CCSER2: variants seen among roughly 807,000 people sequenced by gnomAD.
CCSER2 encodes serine-rich coiled-coil domain-containing protein 2.
In CCSER2, 46 loss-of-function variants were observed where a neutral mutation model predicts 92.3. The ratio of observed to expected loss-of-function variants is 0.50; its 90% CI spans 0.39 to 0.64. The LOEUF (loss-of-function observed/expected upper bound fraction) is 0.64. Ranked by LOEUF, CCSER2 falls within the 30% of genes least tolerant of loss-of-function variation. The pLI is 0.00. For synonymous variants in CCSER2, 433 were observed against 431.4 expected, an observed-to-expected ratio of 1.00 and a Z score of -0.04; for missense variants, 1,244 against 1,238.9, an observed-to-expected ratio of 1.00 and a Z score of -0.06.
intron 7 of CCSER2, among the ~76,000 whole-genome samples, chr10:84,467,801 TC>T (rs1406030552): frequency 1.3e-5 from 2 of 152,220 alleles, no homozygotes; most frequent in Non-Finnish European, 2.9e-5. Context: ...CCTTGAATGC[TC>T]CTCTGTTCTT....
chr10:84,454,992 A>G (rs1479570953), intron 6 of CCSER2: 1 of 152,276 alleles, frequency 6.6e-6, no homozygotes, highest in South Asian at 2.1e-4. Context: ...CATGATAGTG[A>G]ATAAGTCTCA....
In CCSER2 at chr10:84,348,421, C is replaced by T. The variant is rs577557171; in HGVS notation, c.-40+19613C>T. On this transcript the variant is annotated intron_variant, in intron 1 of 9. Coordinates refer to ENST00000372088, the MANE Select transcript of CCSER2 (RefSeq NM_001284240.2). ...GTGGCAGCACAGTCCAGCTTCGGCT[C>T]GGCATCAGAGGGAGACCGTGGAAAG... Among the ~76,000 whole-genome samples the T allele has an allele frequency of 8.9e-4, 136 of 152,070 alleles. 3 individuals carry two copies. In the South Asian group the frequency reaches 0.025, roughly 28 times the overall value.
intron 3 of CCSER2, among the ~76,000 whole-genome samples, chr10:84,402,550 T>C (rs552113630): frequency 6.6e-6 from 1 of 152,334 alleles, no homozygotes; most frequent in South Asian, 2.1e-4. Context: ...AACAGTCTTA[T>C]GGGAAAACAA....
At chr10:84,431,747 T>C (rs1434162934) in intron 5 of CCSER2, among the ~76,000 whole-genome samples, 1 of 152,122 alleles carries the variant, frequency 6.6e-6, no homozygotes, top group Non-Finnish European at 1.5e-5. Flanking sequence ...TCAAAAAAAA[T>C]TACTGAATAA....
chr10:84,454,260 T>TG (rs1281141860), intron 6 of CCSER2, among the ~76,000 whole-genome samples: 4 of 152,190 alleles, frequency 2.6e-5, no homozygotes, highest in African/African-American at 9.7e-5. Context: ...CTTGTGTGTC[T>TG]GTGGGTCCAA....
rs1267564887 is a variant in CCSER2 at position 84,399,128 on chromosome 10, A to G, written c.1615-18643A>G. Among the ~76,000 whole-genome samples, 4 of 152,168 alleles carry G rather than the reference A, an allele frequency of 2.6e-5. No homozygotes were observed. In the East Asian group the frequency reaches 7.7e-4, roughly 29 times the overall value. ...TGAAATCTAGGCTTTTAGCATACCC[A>G]TCACCTGAATAATGATCATTGTACC... On this transcript the variant is annotated intron_variant, in intron 3 of 9. Transcript: ENST00000372088.
At chr10:84,510,373 T>A (rs1324546411) in intron 9 of CCSER2, among the ~76,000 whole-genome samples, 1 of 152,184 alleles carries the variant, frequency 6.6e-6, no homozygotes, top group Non-Finnish European at 1.5e-5. Flanking sequence ...TGTTCCCATA[T>A]GTTGTTACGC....
chr10:84,438,138 G>A (rs1844299767), intron 5 of CCSER2, among the ~76,000 whole-genome samples: 1 of 152,168 alleles, frequency 6.6e-6, no homozygotes, highest in Non-Finnish European at 1.5e-5. Context: ...TAAAAAAGGT[G>A]TGCAATTTAA....
chr10:84,386,441 G>A (rs1841210850), intron 3 of CCSER2, among the ~76,000 whole-genome samples: 1 of 152,220 alleles, frequency 6.6e-6, no homozygotes, highest in South Asian at 2.1e-4. Context: ...CTGAGACTGG[G>A]CCTAGTGGCT....
intron 9 of CCSER2, among the ~76,000 whole-genome samples, chr10:84,513,212 A>G (rs548713790): frequency 6.6e-6 from 1 of 151,990 alleles, no homozygotes; most frequent in African/African-American, 2.4e-5. Context: ...TCTTTTTCTC[A>G]TTTAATTTTG....
intron 3 of CCSER2, among the ~76,000 whole-genome samples, chr10:84,379,209 C>T (rs1840759876): frequency 6.6e-6 from 1 of 151,982 alleles, no homozygotes; most frequent in East Asian, 1.9e-4. Flanking sequence ...AAAATTTGTC[C>T]ATTTCATCTA....
chr10:84,396,232 A>G (rs1841827714), intron 3 of CCSER2, among the ~76,000 whole-genome samples: 1 of 150,228 alleles, frequency 6.7e-6, no homozygotes, highest in South Asian at 2.1e-4. Flanking sequence ...TAAGGATTAT[A>G]GTATATATTC....
chr10:84,442,469 G>C (rs994779128), intron 6 of CCSER2, among the ~76,000 whole-genome samples: 1 of 152,260 alleles, frequency 6.6e-6, no homozygotes, highest in South Asian at 2.1e-4. Context: ...TGTATATTAT[G>C]ATCATTTATC....
chr10:84,514,800 G>C lies in CCSER2; in HGVS notation c.*533G>C, dbSNP rs1001841644. ...CTTTGTGATGAATAAAGGAGATTAG[G>C]CTTTTAATGGAAAGTCTATGTAAGT... On this transcript the variant is annotated 3_prime_UTR_variant, in exon 10 of 10. Coordinates refer to ENST00000372088, the MANE Select transcript of CCSER2 (RefSeq NM_001284240.2). 3 of 152,800 alleles carry C rather than the reference G, an allele frequency of 2.0e-5. No individual in the cohort carries two copies. The highest frequency in any genetic ancestry group is 4.4e-5 in the Non-Finnish European group (3 of 68,174). The allele number at this position is 152,800 out of a possible 1,614,324, so 9.5% of individuals were successfully genotyped here. A position where few individuals can be genotyped will look rare whatever the true frequency, so the allele number is the denominator to read the frequency against.
At chr10:84,402,506 A>G (rs1012271275) in intron 3 of CCSER2, among the ~76,000 whole-genome samples, 3 of 152,238 alleles carry the variant, frequency 2.0e-5, no homozygotes, top group African/African-American at 7.2e-5. Flanking sequence ...TAGGAATGCA[A>G]GGTTGAAAAT....
chr10:84,408,413 CCT>C (rs1391015561), intron 3 of CCSER2, among the ~76,000 whole-genome samples: 3 of 151,326 alleles, frequency 2.0e-5, no homozygotes, highest in Non-Finnish European at 2.9e-5. Flanking sequence ...TTCTTTTTTT[CCT>C]CTCTCTCCCT....
intron 1 of CCSER2, among the ~76,000 whole-genome samples, chr10:84,338,079 G>A (rs1297684337): frequency 1.3e-5 from 2 of 151,952 alleles, no homozygotes; most frequent in African/African-American, 4.8e-5. Flanking sequence ...TCAGGAGTTC[G>A]AGACCAGCAT....
At chr10:84,496,025 A>G (rs995565446) in intron 9 of CCSER2, among the ~76,000 whole-genome samples, 4 of 148,882 alleles carry the variant, frequency 2.7e-5, no homozygotes, top group African/African-American at 4.9e-5. Flanking sequence ...TAATAATTCT[A>G]TTTTTATTTA....
chr10:84,480,257 A>G (rs1847382431), intron 9 of CCSER2, among the ~76,000 whole-genome samples: 1 of 152,070 alleles, frequency 6.6e-6, no homozygotes, highest in Admixed American at 6.6e-5. Flanking sequence ...TCCTGGGCTC[A>G]GGTGATCTTT....
Sources: gnomAD v4.1 joint callset for allele counts (sites outside exome capture counted in the v4.1 genomes callset) on GRCh38, gnomAD v4.1.1 for gene constraint, MANE v1.5 for transcripts, NCBI Gene and HGNC (gene_info 2026-07-23, HGNC 2026-07-21) for gene names.